SEMA3A: variants seen among roughly 807,000 people sequenced by gnomAD.
SEMA3A encodes the protein semaphorin 3A.
A neutral mutation model predicts 97.9 loss-of-function variants in SEMA3A; 29 were observed. That is an observed-to-expected ratio of 0.30 (90% CI 0.22 to 0.40). SEMA3A has a LOEUF of 0.40. SEMA3A is among the 10% of genes least tolerant of loss of function. SEMA3A has a pLI of 1.00. For synonymous variants in SEMA3A, 321 were observed against 323.7 expected (o/e 0.99, Z 0.09); for missense variants, 763 against 951.3 (o/e 0.80, Z 2.60).
intron 15 of SEMA3A, among the ~76,000 whole-genome samples, chr7:83,965,018 A>C (rs1389594174): frequency 6.6e-6 from 1 of 152,198 alleles, no homozygotes; most frequent in East Asian, 1.9e-4. Flanking sequence ...CTGAATAATT[A>C]GAATGCATTG....
chr7:84,476,031 G>C (rs1361727298), intron 1 of SEMA3A, among the ~76,000 whole-genome samples: 3 of 152,036 alleles, frequency 2.0e-5, no homozygotes, highest in African/African-American at 7.2e-5. Flanking sequence ...TATTTCCTTA[G>C]AACTTAGAGA....
intron 1 of SEMA3A, among the ~76,000 whole-genome samples, chr7:84,391,399 A>T (rs1333101584): frequency 2.0e-5 from 3 of 152,126 alleles, no homozygotes; most frequent in Non-Finnish European, 4.4e-5. Flanking sequence ...CATCAATGTG[A>T]AGAGGGATGC....
chr7:84,362,939 A>C (rs1302192995), intron 2 of SEMA3A, among the ~76,000 whole-genome samples: 9 of 152,022 alleles, frequency 5.9e-5, no homozygotes, highest in Admixed American at 3.9e-4. Context: ...AAGTTTGGAA[A>C]TATGCTACAG....
upstream of SEMA3A, among the ~76,000 whole-genome samples, chr7:84,199,312 C>T (rs1798302728): frequency 6.6e-6 from 1 of 152,134 alleles, no homozygotes; most frequent in Admixed American, 6.5e-5. Flanking sequence ...TGCAAATCAC[C>T]TTCCATACCC....
intron 1 of SEMA3A, among the ~76,000 whole-genome samples, chr7:84,164,943 A>G (rs1426717057): frequency 6.6e-6 from 1 of 152,042 alleles, no homozygotes; most frequent in African/African-American, 2.4e-5. Flanking sequence ...GAAAATCTCA[A>G]AGTACTGTAA....
intron 1 of SEMA3A, among the ~76,000 whole-genome samples, chr7:84,423,466 T>C (rs1007844806): frequency 6.6e-6 from 1 of 152,084 alleles, no homozygotes; most frequent in Non-Finnish European, 1.5e-5. Flanking sequence ...CCTCACGTAT[T>C]TCACTTAACC....
chr7:84,264,696 G>C (rs1461674168), intron 3 of SEMA3A, among the ~76,000 whole-genome samples: 4 of 152,072 alleles, frequency 2.6e-5, no homozygotes, highest in East Asian at 1.9e-4. Context: ...AATTTGGGTG[G>C]GTAGGGCGAG....
intron 1 of SEMA3A, among the ~76,000 whole-genome samples, chr7:84,413,484 T>C (rs775419030): frequency 1.3e-5 from 2 of 151,894 alleles, no homozygotes; most frequent in Non-Finnish European, 2.9e-5. Flanking sequence ...AAAAGTTAGC[T>C]AGGTGTGATG....
intron 7 of SEMA3A, 58 bp from the exon 8 acceptor site, chr7:84,011,355 T>C: frequency 9.3e-7 from 1 of 1,073,464 alleles, no homozygotes; most frequent in Non-Finnish European, 1.4e-6. Flanking sequence ...ATTTGAAACA[T>C]TTCTATTTTC....
At chr7:84,324,773 A>T (rs1801732180) in intron 2 of SEMA3A, among the ~76,000 whole-genome samples, 1 of 152,154 alleles carries the variant, frequency 6.6e-6, no homozygotes, top group East Asian at 1.9e-4. Context: ...AGCTGAATAG[A>T]CTACAATATA....
intron 1 of SEMA3A, among the ~76,000 whole-genome samples, chr7:84,464,847 T>A (rs2116396273): frequency 6.6e-6 from 1 of 152,290 alleles, no homozygotes; most frequent in East Asian, 1.9e-4. Context: ...AGTCGGTATC[T>A]TTTTAATTTT....
chr7:84,437,095 T>C (rs927086251), intron 1 of SEMA3A, among the ~76,000 whole-genome samples: 2 of 152,098 alleles, frequency 1.3e-5, no homozygotes, highest in Non-Finnish European at 2.9e-5. Context: ...ATCATCCTTC[T>C]GAATAAAAGA....
chr7:83,981,978 CTT>C (rs76718988), intron 13 of SEMA3A, among the ~76,000 whole-genome samples: 18,371 of 152,006 alleles, frequency 0.12, 1,381 homozygotes, highest in Non-Finnish European at 0.17. Context: ...TTTGAAAAAA[CTT>C]TGGGCTCAAC....
At chr7:84,196,353 T>TTCTCTCTCTCTCTCTCTCTC (rs60887913), upstream of SEMA3A, among the ~76,000 whole-genome samples, 4 of 149,148 alleles carry the variant, frequency 2.7e-5, no homozygotes, top group African/African-American at 9.8e-5. Flanking sequence ...TCGCTCTGCT[T>TTCTCTCTCTCTCTCTCTCTC]TCTCTCTCTC....
At chr7:84,044,877 A>G (rs1439221310) in intron 6 of SEMA3A, among the ~76,000 whole-genome samples, 1 of 152,100 alleles carries the variant, frequency 6.6e-6, no homozygotes, top group Non-Finnish European at 1.5e-5. Context: ...AATTAACCAA[A>G]GAACATCAAT....
chr7:84,064,928 C>T (rs1477924045), intron 4 of SEMA3A, among the ~76,000 whole-genome samples: 2 of 152,262 alleles, frequency 1.3e-5, no homozygotes, highest in African/African-American at 4.8e-5. Flanking sequence ...ACCTAATAGA[C>T]ATCTACAGAA....
At position 84,129,137 on chromosome 7, in the gene SEMA3A, C is replaced by T. The variant is rs1212978549; in HGVS notation, c.319G>A (p.Gly107Arg). Residue 107 changes from glycine (G) to arginine (R), a missense_variant, in exon 3 of 17, where the codon GGA becomes AGA. Physicochemically the swap from Gly to Arg is moderately radical, Grantham distance 125 (BLOSUM62 -2). Transcript: ENST00000265362. ...TTAATGCTTACCAGGATGTCTTTTCCAGCCCACTTGCATTCATCTCTTCTG... is the reference window on the plus strand; with the variant it reads ...TTAATGCTTACCAGGATGTCTTTTCTAGCCCACTTGCATTCATCTCTTCTG... ...YTRRDECKWA[G>R]KDILKECANF... The T allele has an allele frequency of 6.2e-7, 1 of 1,612,082 alleles. No individual in the cohort carries two copies. Among genetic ancestry groups the T allele is most frequent in the South Asian group, 1.1e-5 (1 of 91,040 alleles).
chr7:84,235,371 G>A (rs1338185693), intron 3 of SEMA3A, among the ~76,000 whole-genome samples: 1 of 151,896 alleles, frequency 6.6e-6, no homozygotes, highest in Non-Finnish European at 1.5e-5. Flanking sequence ...TGTCTTGTAT[G>A]TGAATAATTG....
At chr7:84,096,248 T>G (rs1467881935) in intron 4 of SEMA3A, among the ~76,000 whole-genome samples, 1 of 152,198 alleles carries the variant, frequency 6.6e-6, no homozygotes, top group Middle Eastern at 3.4e-3. Context: ...GCCAAGAGAT[T>G]TAAAGATACT....
Sources: gnomAD v4.1 joint callset for allele counts (sites outside exome capture counted in the v4.1 genomes callset) on GRCh38, gnomAD v4.1.1 for gene constraint, MANE v1.5 for transcripts, NCBI Gene and HGNC (gene_info 2026-07-23, HGNC 2026-07-21) for gene names.